Variants in NECAB1 observed in about 807,000 individuals in gnomAD.
NECAB1 encodes the protein N-terminal EF-hand calcium binding protein 1.
Under a neutral mutation model 57.5 loss-of-function variants are expected in NECAB1, and 29 were observed. That is an observed-to-expected ratio of 0.50 (90% CI 0.38 to 0.69). The LOEUF (loss-of-function observed/expected upper bound fraction) is 0.69, where lower values mean the gene tolerates loss of function less well. NECAB1 is among the 30% of genes least tolerant of loss of function. The pLI, the probability that NECAB1 is intolerant of heterozygous loss-of-function variation, is 0.00. For missense variants in NECAB1, 372 were observed against 413.8 expected, an observed-to-expected ratio of 0.90 and a Z score of 0.88; for synonymous variants, 142 against 147.7, an observed-to-expected ratio of 0.96 and a Z score of 0.28.
intron 12 of NECAB1, among the ~76,000 whole-genome samples, chr8:90,952,551 G>A (rs917767175): frequency 1.1e-4 from 16 of 152,084 alleles, no homozygotes; most frequent in African/African-American, 3.9e-4. Flanking sequence ...GGCTGAGGTG[G>A]GCGGATCACA....
At chr8:90,943,185 C>T (rs1281632419) in intron 10 of NECAB1, among the ~76,000 whole-genome samples, 1 of 152,042 alleles carries the variant, frequency 6.6e-6, no homozygotes, top group African/African-American at 2.4e-5. Flanking sequence ...AGATTTGTGC[C>T]GCCTGCTGCA....
chr8:90,947,392 C>A (rs1361822741), intron 10 of NECAB1, among the ~76,000 whole-genome samples: 1 of 121,830 alleles, frequency 8.2e-6, no homozygotes, highest in Non-Finnish European at 1.7e-5. Flanking sequence ...CATGTAACTT[C>A]TTTTTTTTTT....
rs2130209444 is a variant in NECAB1 at position 90,934,322 on chromosome 8, C to T, written c.712C>T (p.Pro238Ser). Residue 238 changes from proline (P) to serine (S), a missense_variant, in exon 9 of 13, where the codon CCA becomes TCA. Transcript: ENST00000417640. ...ATTGAAGGATCTCAAACTCGAACCACCAGAAGAAGAAATTATTGAAGGGAA... is the reference window on the plus strand; with the variant it reads ...ATTGAAGGATCTCAAACTCGAACCATCAGAAGAAGAAATTATTGAAGGGAA... ...LEKKDLKLEP[P>S]EEEIIEGNTK... is the part of the protein sequence containing the mutation. The T allele has an allele frequency of 6.6e-7, 1 of 1,515,850 alleles. No individual in the cohort carries two copies. The highest frequency in any genetic ancestry group is 2.2e-5 in the Admixed American group (1 of 45,528). 93.9% of individuals were successfully genotyped at this position (1,515,850 alleles called of 1,614,324 possible). A position where few individuals can be genotyped will look rare whatever the true frequency, so the allele number is the denominator to read the frequency against.
chr8:90,806,215 G>T (rs1408924914), intron 2 of NECAB1, among the ~76,000 whole-genome samples: 2 of 152,134 alleles, frequency 1.3e-5, no homozygotes. Context: ...ATTGATCCCT[G>T]TTTAATCACT....
chr8:90,884,064 T>G (rs949466580), intron 5 of NECAB1, among the ~76,000 whole-genome samples: 3 of 152,136 alleles, frequency 2.0e-5, no homozygotes, highest in Middle Eastern at 3.2e-3. Context: ...CTTAAAATAA[T>G]TATTTGGGGT....
chr8:90,908,855 T>G (rs902890381), intron 5 of NECAB1, among the ~76,000 whole-genome samples: 1 of 152,160 alleles, frequency 6.6e-6, no homozygotes, highest in Non-Finnish European at 1.5e-5. Context: ...TGTGTTTTAT[T>G]ATGGTTTTAT....
chr8:90,847,932 T>G (rs1163111084), intron 3 of NECAB1, among the ~76,000 whole-genome samples: 1 of 152,226 alleles, frequency 6.6e-6, no homozygotes, highest in East Asian at 1.9e-4. Context: ...TTCTCTGACA[T>G]GCCCTGGAAA....
chr8:90,929,278 T>C (rs1436408416), intron 8 of NECAB1, among the ~76,000 whole-genome samples: 1 of 152,122 alleles, frequency 6.6e-6, no homozygotes, highest in African/African-American at 2.4e-5. Flanking sequence ...GGAAGGACTT[T>C]GTGTGGCAGG....
At chr8:90,886,585 G>C (rs1200499794) in intron 5 of NECAB1, among the ~76,000 whole-genome samples, 1 of 151,860 alleles carries the variant, frequency 6.6e-6, no homozygotes, top group Admixed American at 6.6e-5. Flanking sequence ...GGGTTTCACT[G>C]TGTTGCCCAG....
chr8:90,932,003 C>G (rs1249033396), intron 8 of NECAB1, among the ~76,000 whole-genome samples: 1 of 152,140 alleles, frequency 6.6e-6, no homozygotes, highest in Non-Finnish European at 1.5e-5. Flanking sequence ...AATAAAAGCT[C>G]TTCATTCTTC....
intron 5 of NECAB1, among the ~76,000 whole-genome samples, chr8:90,882,827 T>C (rs1466855440): frequency 6.6e-6 from 1 of 152,136 alleles, no homozygotes; most frequent in African/African-American, 2.4e-5. Context: ...TGTTTTTGGC[T>C]TACCGTGTTT....
At chr8:90,875,487 CAAAAAAAAAAAAAAAA>C (rs35777818) in intron 4 of NECAB1, among the ~76,000 whole-genome samples, 1 of 41,478 alleles carries the variant, frequency 2.4e-5, no homozygotes, top group Non-Finnish European at 3.6e-5. Flanking sequence ...GACTCCGTCT[CAAAAAAAAAAAAAAAA>C]AAAAAAAAAA....
intron 2 of NECAB1, among the ~76,000 whole-genome samples, chr8:90,803,446 T>C (rs1811793338): frequency 6.6e-6 from 1 of 152,184 alleles, no homozygotes; most frequent in Admixed American, 6.5e-5. Flanking sequence ...AAAGCTCTGA[T>C]TTAGGTCCAC....
intron 3 of NECAB1, among the ~76,000 whole-genome samples, chr8:90,858,289 A>G (rs1563507719): frequency 6.6e-6 from 1 of 152,208 alleles, no homozygotes; most frequent in Non-Finnish European, 1.5e-5. Context: ...CATCAGGTGT[A>G]GTAAGTACAT....
chr8:90,799,576 ATTAT>A (rs1481508346), intron 1 of NECAB1, among the ~76,000 whole-genome samples: 2 of 152,110 alleles, frequency 1.3e-5, no homozygotes, highest in African/African-American at 2.4e-5. Context: ...TCCTTTCCCC[ATTAT>A]TTATTTTTGT....
chr8:90,817,571 T>C (rs1812079674), intron 2 of NECAB1, among the ~76,000 whole-genome samples: 1 of 151,702 alleles, frequency 6.6e-6, no homozygotes, highest in Non-Finnish European at 1.5e-5. Context: ...GTTGATATAA[T>C]ATGATTTTTT....
At chr8:90,947,169 G>A (rs1395859664) in intron 10 of NECAB1, among the ~76,000 whole-genome samples, 5 of 151,544 alleles carry the variant, frequency 3.3e-5, no homozygotes, top group Non-Finnish European at 7.4e-5. Context: ...TTCTTTTCTG[G>A]TTTTCCTCCC....
chr8:90,894,124 T>C (rs1014719417), intron 5 of NECAB1, among the ~76,000 whole-genome samples: 4 of 152,184 alleles, frequency 2.6e-5, no homozygotes, highest in Non-Finnish European at 5.9e-5. Flanking sequence ...ACATATAGCA[T>C]AAATATCATA....
At position 90,917,870 on chromosome 8, in the gene NECAB1, A is replaced by ATATG. The variant is rs1554575432; in HGVS notation, c.494+243_494+244insATGT. ...TATATATATATATATATATATATAT[A>ATATG]TGTGTGTGTGTGCGTGTATATATAT... On this transcript the variant is annotated intron_variant, in intron 6 of 12. Coordinates refer to ENST00000417640, the MANE Select transcript of NECAB1 (RefSeq NM_022351.5). Among the ~76,000 whole-genome samples the ATATG allele has an allele frequency of 3.8e-3, 246 of 64,280 alleles. 5 individuals are homozygous for ATATG. Among genetic ancestry groups the ATATG allele is most frequent in the African/African-American group, 0.022 (213 of 9,552 alleles). The allele number at this position is 64,280 out of a possible 152,430, so 42.2% of individuals were successfully genotyped here.
Sources: allele counts gnomAD v4.1 joint callset (sites outside exome capture counted in the v4.1 genomes callset), GRCh38; gene constraint gnomAD v4.1.1; transcripts MANE v1.5; gene names NCBI Gene and HGNC (gene_info 2026-07-23, HGNC 2026-07-21).